GALNTL6: variants seen among roughly 807,000 people sequenced by gnomAD.
GALNTL6 encodes polypeptide N-acetylgalactosaminyltransferase like 6.
A neutral mutation model predicts 73.7 loss-of-function variants in GALNTL6; 46 were observed. The observed-to-expected ratio is 0.62, with a 90% CI of 0.49 to 0.80. GALNTL6 has a LOEUF of 0.80. GALNTL6 is among the 30% of genes least tolerant of loss of function. The pLI is 0.00. For missense variants in GALNTL6, 604 were observed against 755.0 expected (o/e 0.80, Z 2.34); for synonymous variants, 259 against 263.7 (o/e 0.98, Z 0.17).
intron 5 of GALNTL6, among the ~76,000 whole-genome samples, chr4:172,625,138 G>C (rs186861376): frequency 8.1e-4 from 123 of 151,760 alleles, no homozygotes; most frequent in Non-Finnish European, 1.5e-3. Context: ...CTACATTATA[G>C]GGACATAAAA....
intron 5 of GALNTL6, among the ~76,000 whole-genome samples, chr4:172,542,601 A>C (rs980028242): frequency 6.6e-6 from 1 of 152,098 alleles, no homozygotes; most frequent in Non-Finnish European, 1.5e-5. Context: ...TACCCTGCTC[A>C]TGCCTGACTA....
At chr4:173,030,482 G>A (rs1051262758) in intron 12 of GALNTL6, among the ~76,000 whole-genome samples, 2 of 152,086 alleles carry the variant, frequency 1.3e-5, no homozygotes, top group African/African-American at 2.4e-5. Context: ...GGGCTCTTCC[G>A]TAAAGAGAAA....
At chr4:171,954,785 CCT>C (rs1738994002) in intron 2 of GALNTL6, among the ~76,000 whole-genome samples, 2 of 152,170 alleles carry the variant, frequency 1.3e-5, no homozygotes, top group South Asian at 2.1e-4. Context: ...TGAACTTCCC[CCT>C]CTCTTCTCTC....
intron 2 of GALNTL6, among the ~76,000 whole-genome samples, chr4:171,903,150 C>A (rs7663950): frequency 0.036 from 5,536 of 152,106 alleles, 310 homozygotes; most frequent in African/African-American, 0.12. Flanking sequence ...CCAAGATGGC[C>A]TAATAGGAAC....
chr4:172,106,619 G>T (rs1732681313), intron 2 of GALNTL6, among the ~76,000 whole-genome samples: 1 of 152,078 alleles, frequency 6.6e-6, no homozygotes, highest in African/African-American at 2.4e-5. Flanking sequence ...CTGGATGACT[G>T]CTGACCCTCC....
chr4:172,449,478 T>G (rs1270164865), intron 5 of GALNTL6, among the ~76,000 whole-genome samples: 1 of 152,178 alleles, frequency 6.6e-6, no homozygotes, highest in African/African-American at 2.4e-5. Flanking sequence ...ACCTGTGATT[T>G]ATATCTTGCC....
At chr4:172,549,090 A>C (rs2110894532) in intron 5 of GALNTL6, among the ~76,000 whole-genome samples, 1 of 152,296 alleles carries the variant, frequency 6.6e-6, no homozygotes, top group South Asian at 2.1e-4. Flanking sequence ...ACCAATGCCC[A>C]TAGTCATGTA....
chr4:172,831,931 C>T (rs1211353006), intron 7 of GALNTL6, among the ~76,000 whole-genome samples: 5 of 152,186 alleles, frequency 3.3e-5, no homozygotes, highest in Admixed American at 6.5e-5. Flanking sequence ...CCCTGATCTC[C>T]GTCATCCAGC....
chr4:172,794,751 A>G (rs1342402548), intron 5 of GALNTL6, among the ~76,000 whole-genome samples: 1 of 152,182 alleles, frequency 6.6e-6, no homozygotes, highest in Non-Finnish European at 1.5e-5. Flanking sequence ...TTAGACCTGT[A>G]TGTCTCATTT....
intron 5 of GALNTL6, chr4:172,668,090 A>T (rs369477799): frequency 6.6e-6 from 1 of 152,182 alleles, no homozygotes; most frequent in Non-Finnish European, 1.5e-5. Flanking sequence ...TTGAGAAGGT[A>T]TATTTGTAAT....
chr4:172,858,241 A>C (rs576024450), intron 7 of GALNTL6, among the ~76,000 whole-genome samples: 8 of 152,190 alleles, frequency 5.3e-5, no homozygotes, highest in Admixed American at 1.3e-4. Context: ...CTTTATCATT[A>C]TGTCCAGAGC....
At chr4:172,473,561 G>A (rs1368405459) in intron 5 of GALNTL6, among the ~76,000 whole-genome samples, 1 of 152,124 alleles carries the variant, frequency 6.6e-6, no homozygotes, top group Non-Finnish European at 1.5e-5. Flanking sequence ...TAATTGTCAC[G>A]GTGATGACAC....
intron 2 of GALNTL6, among the ~76,000 whole-genome samples, chr4:172,113,166 AT>A (rs920345454): frequency 6.6e-6 from 1 of 151,890 alleles, no homozygotes; most frequent in African/African-American, 2.4e-5. Context: ...TGCATTCAAC[AT>A]TTTTTATGAA....
At chr4:172,877,592 G>C (rs1745255238) in intron 7 of GALNTL6, among the ~76,000 whole-genome samples, 1 of 151,700 alleles carries the variant, frequency 6.6e-6, no homozygotes, top group Admixed American at 6.6e-5. Context: ...TATAAAAATT[G>C]CTATAGAAAA....
At chr4:172,106,248 T>C (rs77874479) in intron 2 of GALNTL6, among the ~76,000 whole-genome samples, 5,703 of 152,236 alleles carry the variant, frequency 0.037, 364 homozygotes, top group African/African-American at 0.13. Context: ...TGGTAATATT[T>C]TGCATACAAA....
intron 12 of GALNTL6, among the ~76,000 whole-genome samples, chr4:173,039,405 CTT>C (rs11347097): frequency 7.7e-4 from 116 of 151,274 alleles, no homozygotes; most frequent in African/African-American, 2.6e-3. Context: ...TTGACTGCTG[CTT>C]TTTTTTTTCT....
intron 7 of GALNTL6, among the ~76,000 whole-genome samples, chr4:172,881,811 G>A (rs1745466491): frequency 6.6e-6 from 1 of 151,992 alleles, no homozygotes; most frequent in African/African-American, 2.4e-5. Flanking sequence ...TATCTCTTTT[G>A]CCTCTGAACA....
intron 3 of GALNTL6, among the ~76,000 whole-genome samples, chr4:172,240,388 TA>T (rs1240270774): frequency 2.5e-4 from 37 of 149,718 alleles, no homozygotes; most frequent in African/African-American, 9.4e-4. Context: ...CATGCCCGGC[TA>T]ATTTTTTTTT....
At chr4:172,456,305 T>C (rs1314614425) in intron 5 of GALNTL6, among the ~76,000 whole-genome samples, 1 of 151,790 alleles carries the variant, frequency 6.6e-6, no homozygotes, top group Non-Finnish European at 1.5e-5. Context: ...CTCCGAAGGA[T>C]CACAACTCCT....
Sources: gnomAD v4.1 joint callset for allele counts (sites outside exome capture counted in the v4.1 genomes callset) on GRCh38, gnomAD v4.1.1 for gene constraint, MANE v1.5 for transcripts, NCBI Gene and HGNC (gene_info 2026-07-23, HGNC 2026-07-21) for gene names.